Variants in AOPEP observed in about 807,000 individuals in gnomAD.
AOPEP encodes aminopeptidase O.
A neutral mutation model predicts 98.1 loss-of-function variants in AOPEP; 77 were observed. The ratio of observed to expected loss-of-function variants is 0.78; its 90% CI spans 0.65 to 0.95. AOPEP has a LOEUF of 0.95. Among genes scored for constraint, AOPEP ranks in the 40% least tolerant of loss-of-function variants. The probability of loss-of-function intolerance (pLI) is 0.00; values close to 1 mark genes in which losing one functional copy is unlikely to be tolerated. For synonymous variants in AOPEP, 346 were observed against 365.3 expected, an observed-to-expected ratio of 0.95 and a Z score of 0.60; for missense variants, 1,024 against 1,024.7, an observed-to-expected ratio of 1.00 and a Z score of 0.01.
chr9:95,039,130 A>G (rs2065076258), intron 13 of AOPEP, among the ~76,000 whole-genome samples: 1 of 152,212 alleles, frequency 6.6e-6, no homozygotes, highest in Non-Finnish European at 1.5e-5. Context: ...AATATTGAAT[A>G]GCATAATGGT....
intron 5 of AOPEP, among the ~76,000 whole-genome samples, chr9:94,874,426 A>G (rs753223347): frequency 6.6e-6 from 1 of 152,148 alleles, no homozygotes; most frequent in Non-Finnish European, 1.5e-5. Context: ...AATACTTTAT[A>G]CAGATCTGTG....
intron 5 of AOPEP, among the ~76,000 whole-genome samples, chr9:94,820,800 G>C (rs1278024246): frequency 6.6e-6 from 1 of 152,180 alleles, no homozygotes; most frequent in African/African-American, 2.4e-5. Context: ...CAGCACTTTT[G>C]CGTAGCTCAC....
chr9:94,798,771 T>C (rs1322024096), intron 4 of AOPEP, among the ~76,000 whole-genome samples: 2 of 152,220 alleles, frequency 1.3e-5, no homozygotes, highest in African/African-American at 4.8e-5. Flanking sequence ...AAAAAGATAC[T>C]GTGGTGGTTA....
At chr9:94,867,991 A>G (rs1331311946) in intron 5 of AOPEP, among the ~76,000 whole-genome samples, 1 of 152,174 alleles carries the variant, frequency 6.6e-6, no homozygotes, top group Non-Finnish European at 1.5e-5. Context: ...TTCTCAACCC[A>G]TGCTCCCCTG....
intron 11 of AOPEP, among the ~76,000 whole-genome samples, chr9:94,987,185 A>G (rs1225525254): frequency 3.3e-5 from 5 of 152,270 alleles, no homozygotes; most frequent in African/African-American, 1.2e-4. Context: ...TAATAATTCA[A>G]TAGGAAAAAT....
chr9:95,070,548 G>A (rs4744437), intron 14 of AOPEP, among the ~76,000 whole-genome samples: 140,831 of 152,326 alleles, frequency 0.92, 65,129 homozygotes, highest in Middle Eastern at 0.99. Flanking sequence ...ATTTCAGAGT[G>A]GCTGAAAAGC....
At chr9:95,045,955 C>T (rs559127673) in intron 13 of AOPEP, among the ~76,000 whole-genome samples, 4 of 152,298 alleles carry the variant, frequency 2.6e-5, no homozygotes, top group South Asian at 4.1e-4. Context: ...CTTTGAACAA[C>T]GGTAGGAACG....
intron 13 of AOPEP, among the ~76,000 whole-genome samples, chr9:95,036,879 T>G (rs2064879672): frequency 1.3e-5 from 2 of 152,202 alleles, no homozygotes. Flanking sequence ...GCCACAAGCT[T>G]GCCTTAGCAG....
Position 94,928,382 on chromosome 9 carries a change from C to A in AOPEP, c.1555-43C>A. The stretch of plus-strand genomic sequence containing the variant: ...CATTGCACCAGGACCACAACAGTGA[C>A]TGTGTTTTGTGCATGTGTGTCTGTG... On this transcript the variant is annotated intron_variant, in intron 6 of 16. Coordinates refer to ENST00000375315, the MANE Select transcript of AOPEP (RefSeq NM_001193329.3). 4.3e-6 allele frequency: 6 copies of A among 1,386,216 alleles called. No individual in the cohort carries two copies. In the South Asian group the frequency reaches 6.3e-5, roughly 14 times the overall value. 85.9% of individuals were successfully genotyped at this position (1,386,216 alleles called of 1,614,324 possible). A position where few individuals can be genotyped will look rare whatever the true frequency, so the allele number is the denominator to read the frequency against.
At chr9:94,739,376 G>T (rs1832541947) in intron 1 of AOPEP, among the ~76,000 whole-genome samples, 1 of 152,200 alleles carries the variant, frequency 6.6e-6, no homozygotes, top group Non-Finnish European at 1.5e-5. Flanking sequence ...TGGGCCCAGT[G>T]GCTCACGCCT....
chr9:94,881,164 A>C (rs1212954254), intron 5 of AOPEP, among the ~76,000 whole-genome samples: 1 of 152,152 alleles, frequency 6.6e-6, no homozygotes, highest in Admixed American at 6.5e-5. Flanking sequence ...TTTCCACAGC[A>C]TGTGGAATTT....
At chr9:94,903,927 TA>T in intron 5 of AOPEP, among the ~76,000 whole-genome samples, 1 of 149,200 alleles carries the variant, frequency 6.7e-6, no homozygotes, top group Non-Finnish European at 1.5e-5. Context: ...AAAAAATGTT[TA>T]AAAAGTTACA....
At chr9:94,940,070 G>T (rs1392483112) in intron 7 of AOPEP, among the ~76,000 whole-genome samples, 1 of 152,224 alleles carries the variant, frequency 6.6e-6, no homozygotes, top group African/African-American at 2.4e-5. Context: ...AAACACTTCT[G>T]GTTCCAAATA....
At chr9:94,827,180 C>T (rs914847254) in intron 5 of AOPEP, among the ~76,000 whole-genome samples, 2 of 152,160 alleles carry the variant, frequency 1.3e-5, no homozygotes, top group Non-Finnish European at 2.9e-5. Context: ...TCTGGAACCC[C>T]AGAGTCATTA....
At chr9:94,929,319 A>G (rs2054904835) in intron 7 of AOPEP, among the ~76,000 whole-genome samples, 1 of 152,198 alleles carries the variant, frequency 6.6e-6, no homozygotes, top group Non-Finnish European at 1.5e-5. Flanking sequence ...AGGCCCATCT[A>G]CTTTCCCAGG....
At chr9:94,770,613 C>A (rs1249746145) in intron 2 of AOPEP, among the ~76,000 whole-genome samples, 1 of 152,160 alleles carries the variant, frequency 6.6e-6, no homozygotes, top group Non-Finnish European at 1.5e-5. Flanking sequence ...TGAGTGACTT[C>A]ATGACACTCA....
intron 1 of AOPEP, among the ~76,000 whole-genome samples, chr9:94,758,856 C>A (rs1837622114): frequency 6.6e-6 from 1 of 151,322 alleles, no homozygotes; most frequent in Admixed American, 6.6e-5. Flanking sequence ...AGAACTTGTG[C>A]ATTTTATTGT....
chr9:95,130,684 C>T, the AOPEP span, among the ~76,000 whole-genome samples: 1 of 152,330 alleles, frequency 6.6e-6, no homozygotes, highest in African/African-American at 2.4e-5. Context: ...AATCCCGTCC[C>T]ACCGTGTAGC....
chr9:94,793,635 C>T (rs1846258102), intron 4 of AOPEP, among the ~76,000 whole-genome samples: 2 of 151,640 alleles, frequency 1.3e-5, no homozygotes, highest in South Asian at 4.2e-4. Context: ...CAAGATTGCG[C>T]CACCGCACTC....
Sources: allele counts gnomAD v4.1 joint callset (sites outside exome capture counted in the v4.1 genomes callset), GRCh38; gene constraint gnomAD v4.1.1; transcripts MANE v1.5; gene names NCBI Gene and HGNC (gene_info 2026-07-23, HGNC 2026-07-21).